The following CFAP65 variants were observed in gnomAD, a reference collection of about 807,000 sequenced individuals.
The protein encoded by CFAP65 is cilia- and flagella-associated protein 65.
CFAP65 carries 155 observed loss-of-function variants against 208.0 expected under a neutral mutation model. The ratio of observed to expected loss-of-function variants is 0.75; its 90% CI spans 0.65 to 0.85. CFAP65 has a LOEUF of 0.85. CFAP65 is among the 40% of genes least tolerant of loss of function. The pLI is 0.00. For synonymous variants in CFAP65, 970 were observed against 986.3 expected, an observed-to-expected ratio of 0.98 and a Z score of 0.31; for missense variants, 2,294 against 2,451.3, an observed-to-expected ratio of 0.94 and a Z score of 1.36.
intron 26 of CFAP65, among the ~76,000 whole-genome samples, chr2:219,010,302 G>A (rs559278780): frequency 5.9e-5 from 9 of 152,260 alleles, no homozygotes; most frequent in African/African-American, 2.2e-4. Context: ...GGAGGGCCCT[G>A]AGGCAGGTGG....
rs754439325 is a variant in CFAP65, at chr2:219,031,597, C to T, written c.707G>A (p.Arg236Gln). The change falls in exon 7 of 35, where the codon CGG becomes CAG. Residue 236 changes from arginine to glutamine, a missense_variant. Transcript: ENST00000341552. This position sits in a 1 kb window ranked among gnomAD's most constrained non-coding sequence, Gnocchi z 5.2. ...CAGCCTGTGGCAGGGCAGGGTGGCC[C>T]GTAGGCCGACACAGAACATCCCCTC... ...KAEGMFCVGL[R>Q]ATLPCHRLIC... 20 of 1,614,150 alleles carry T rather than the reference C, an allele frequency of 1.2e-5. No homozygotes were observed. The highest frequency in any genetic ancestry group is 1.6e-4 in the Middle Eastern group (1 of 6,062).
At position 219,024,076 on chromosome 2, in the gene CFAP65, C is replaced by T; in HGVS notation, c.2534G>A (p.Gly845Asp). 1 of 1,614,068 alleles carries T rather than the reference C, an allele frequency of 6.2e-7. No individual in the cohort carries two copies. Among genetic ancestry groups the T allele is most frequent in the Non-Finnish European group, 8.5e-7 (1 of 1,180,026 alleles). ...QIILICTYPE[G>D]SSWKQHTFYL... is the part of the protein sequence containing the mutation. Reference sequence around the variant, plus strand: ...GAAAGTGTGCTGCTTCCAGGAGCTGCCCTCAGGGTAGGTGCAGATGAGGAT... The same window carrying T: ...GAAAGTGTGCTGCTTCCAGGAGCTGTCCTCAGGGTAGGTGCAGATGAGGAT... Residue 845 changes from glycine (G) to aspartate (D), a missense_variant, in exon 15 of 35, where the codon GGC becomes GAC. Gly to Asp is a moderately conservative substitution (Grantham distance 94). This residue lies in a region of CFAP65 where 1,427 missense variants were observed against 1,438.7 expected (regional missense o/e 0.99). Coordinates refer to ENST00000341552, the MANE Select transcript of CFAP65 (RefSeq NM_194302.4).
intron 21 of CFAP65, among the ~76,000 whole-genome samples, chr2:219,016,691 C>T (rs901054777): frequency 2.0e-5 from 3 of 152,194 alleles, no homozygotes; most frequent in Non-Finnish European, 4.4e-5. Flanking sequence ...AGAACCACAA[C>T]GGCCTCCCAA....
intron 20 of CFAP65, 145 bp from the exon 21 acceptor site, chr2:219,019,324 A>G (rs1574581642): frequency 3.4e-6 from 4 of 1,189,718 alleles, no homozygotes; most frequent in East Asian, 5.1e-5. Context: ...CTGGCTCTTC[A>G]GACCTCAAGC....
intron 24 of CFAP65, 110 bp from the exon 25 acceptor site, chr2:219,011,106 C>T (rs1946445656): frequency 2.0e-6 from 2 of 975,778 alleles, no homozygotes; most frequent in African/African-American, 1.6e-5. Context: ...CATGATGTCA[C>T]CCTTTGAGTC....
At position 219,004,832 on chromosome 2, in the gene CFAP65, G is replaced by T. The variant is rs1945822123; in HGVS notation, c.5052-377C>A. On this transcript the variant is annotated intron_variant, in intron 32 of 34. Transcript: ENST00000341552. The surrounding 1 kb of genome is among the most constrained non-coding windows in gnomAD (Gnocchi z 4.7). ...CCACTGTCCTGGGGTGGGGGGGCCG[G>T]GGGGGGGGACCGTGGTGGGATCTTG... is the stretch of plus-strand genomic sequence containing the variant. 1.5e-5 allele frequency among the ~76,000 whole-genome samples: 2 copies of T among 133,770 alleles called. No homozygotes were observed. The highest frequency in any genetic ancestry group is 4.6e-4 in the South Asian group (2 of 4,312). 87.8% of individuals were successfully genotyped at this position (133,770 alleles called of 152,430 possible).
rs371966202 is a variant in CFAP65 at position 219,030,176 on chromosome 2, C to T, written c.1194G>A (p.Pro398=). The change falls in exon 10 of 35, where the codon CCG becomes CCA. Residue 398 remains proline (P), a synonymous_variant. Transcript: ENST00000341552. The stretch of plus-strand genomic sequence containing the variant: ...AGGCCTGGTCTTCGGCCAGTTCATC[C>T]GGGGAAATTTCAATCCTGAAGGGGG... ...VNAPFRIEIS[P]DELAEDQAFS... is the part of the protein sequence containing the mutation. 6.9e-5 allele frequency: 111 copies of T among 1,614,094 alleles called. No individual in the cohort carries two copies. Among genetic ancestry groups the T allele is most frequent in the Middle Eastern group, 1.6e-4 (1 of 6,062 alleles).
At chr2:219,027,505 T>C (rs768596997) in intron 13 of CFAP65, 145 bp downstream of exon 13, 15 of 1,599,820 alleles carry the variant, frequency 9.4e-6, no homozygotes, top group South Asian at 6.7e-5. Context: ...GACAAACTCA[T>C]AGGGGTCACT....
Position 219,017,846 on chromosome 2 carries a change from G to A in CFAP65, c.3602+1205C>T, listed in dbSNP as rs1947009722. ...AAGAGCCCAGTGAATGGCAGGTCTG[G>A]AGCTCAAGGCAGGCCCTGGCCTTCC... is the stretch of plus-strand genomic sequence containing the variant. On this transcript the variant is annotated intron_variant, in intron 21 of 34. Transcript: ENST00000341552. Among the ~76,000 whole-genome samples the A allele has an allele frequency of 1.3e-5, 2 of 152,224 alleles. 1 individual carries two copies. The highest frequency in any genetic ancestry group is 1.3e-4 in the Admixed American group (2 of 15,294).
chr2:219,019,500 G>C lies in CFAP65; in HGVS notation c.3473+6C>G. 6.2e-7 allele frequency: 1 copy of C among 1,609,902 alleles called. No homozygotes were observed. The highest frequency in any genetic ancestry group is 8.5e-7 in the Non-Finnish European group (1 of 1,178,560). On this transcript the variant is annotated splice_donor_region_variant and intron_variant, in intron 20 of 34. Transcript: ENST00000341552. ...AGCCCCCACCCCCACTCCAGGCTCA[G>C]CTCACCTGTGCCGGGTGGGCACCTT...
chr2:219,006,396 C>T, intron 30 of CFAP65, 69 bp downstream of exon 30: 1 of 1,587,254 alleles, frequency 6.3e-7, no homozygotes, highest in Non-Finnish European at 8.6e-7. Flanking sequence ...GGTTGGAGGT[C>T]TCTCTGGGAG....
chr2:219,027,146 C>T, intron 13 of CFAP65: 1 of 1,146,670 alleles, frequency 8.7e-7, no homozygotes, highest in East Asian at 5.0e-5. Flanking sequence ...GGGCACCACG[C>T]ATCTGGGGCC....
At position 219,010,007 on chromosome 2, in the gene CFAP65, TGAG is replaced by T. The variant is rs748513203; in HGVS notation, c.4384_4386del (p.Leu1462del). On this transcript the variant is annotated inframe_deletion, in exon 27 of 35. Coordinates refer to ENST00000341552, the MANE Select transcript of CFAP65 (RefSeq NM_194302.4). Reference sequence around the variant, plus strand: ...ATTTCCTCGTTCTTGGAGATGTTGTTGAGGAAGAGCAGGCGGCTGCACTTGCTC... The same window carrying T: ...ATTTCCTCGTTCTTGGAGATGTTGTTGAAGAGCAGGCGGCTGCACTTGCTC... 6 of 1,612,770 alleles carry T rather than the reference TGAG, an allele frequency of 3.7e-6. No individual in the cohort carries two copies. The African/African-American group carries it at 8.0e-5, about 22-fold the overall frequency.
At chr2:219,014,936 TG>T (rs1946755478) in intron 21 of CFAP65, 1 of 138,724 alleles carries the variant, frequency 7.2e-6, no homozygotes, top group South Asian at 2.2e-4. Flanking sequence ...AACACACACC[TG>T]AGGAGAATGC....
rs1456173344 is a variant in CFAP65, at chr2:219,004,558, G to A, written c.5052-103C>T. 3 of 1,283,108 alleles carry A rather than the reference G, an allele frequency of 2.3e-6. No homozygotes were observed. Among genetic ancestry groups the A allele is most frequent in the East Asian group, 2.3e-5 (1 of 42,616 alleles). The allele number at this position is 1,283,108 out of a possible 1,614,324, so 79.5% of individuals were successfully genotyped here. On this transcript the variant is annotated intron_variant, in intron 32 of 34. Transcript: ENST00000341552. The surrounding 1 kb of genome is among the most constrained non-coding windows in gnomAD (Gnocchi z 4.7). ...TTCTAGGTGGGAAAGGGGCTGCTAG[G>A]TGGGGAGAGGGGAGCCCTTGGTCAG...
intron 21 of CFAP65, among the ~76,000 whole-genome samples, chr2:219,016,440 G>A (rs576192353): frequency 5.4e-4 from 82 of 151,888 alleles, no homozygotes; most frequent in Non-Finnish European, 9.4e-4. Flanking sequence ...GATTACAGGT[G>A]TGCACCACCA....
Position 219,029,863 on chromosome 2 carries a change from G to A in CFAP65, c.1384+123C>T, listed in dbSNP as rs73072405. On this transcript the variant is annotated intron_variant, in intron 10 of 34. Coordinates refer to ENST00000341552, the MANE Select transcript of CFAP65 (RefSeq NM_194302.4). ...GATGATTCCCCACAGGGCCACCAGGGGGCAGCAGACACCCAGGCTGAGGCA... is the reference window on the plus strand; with the variant it reads ...GATGATTCCCCACAGGGCCACCAGGAGGCAGCAGACACCCAGGCTGAGGCA... The A allele has an allele frequency of 7.4e-4, 838 of 1,132,388 alleles. 7 individuals are homozygous for A. The African/African-American group carries it at 0.01, about 14-fold the overall frequency. 70.1% of individuals were successfully genotyped at this position (1,132,388 alleles called of 1,614,324 possible).
At chr2:219,037,443 T>C (rs1574659245) in intron 4 of CFAP65, among the ~76,000 whole-genome samples, 1 of 152,106 alleles carries the variant, frequency 6.6e-6, no homozygotes, top group East Asian at 1.9e-4. Flanking sequence ...ATTTACTGCA[T>C]AACCATGAGT....
At position 219,031,583 on chromosome 2, in the gene CFAP65, A is replaced by T. The variant is rs1335434669; in HGVS notation, c.721T>A (p.Cys241Ser). Residue 241 changes from cysteine (C) to serine (S), a missense_variant, in exon 7 of 35, where the codon TGC becomes AGC. By Grantham distance (112) the Cys-to-Ser change is moderately radical. Around this residue, in one of 2 missense-constraint regions of CFAP65, gnomAD observed 867 missense variants for 1,012.6 expected, o/e 0.86. Coordinates refer to ENST00000341552, the MANE Select transcript of CFAP65 (RefSeq NM_194302.4). The surrounding 1 kb of genome is among the most constrained non-coding windows in gnomAD (Gnocchi z 5.2). ...GGTGGGCGGCAGATCAGCCTGTGGC[A>T]GGGCAGGGTGGCCCGTAGGCCGACA... Reference protein sequence around the residue: ...FCVGLRATLPCHRLICRPPSL... With the variant: ...FCVGLRATLPSHRLICRPPSL... 3.7e-6 allele frequency: 6 copies of T among 1,614,116 alleles called. No individual in the cohort carries two copies. Among genetic ancestry groups the T allele is most frequent in the Non-Finnish European group, 5.1e-6 (6 of 1,180,044 alleles).
Sources: allele counts gnomAD v4.1 joint callset (sites outside exome capture counted in the v4.1 genomes callset), GRCh38; gene constraint gnomAD v4.1.1; regional missense constraint gnomAD v4.1.1; non-coding constraint Gnocchi (gnomAD v3.1); transcripts MANE v1.5; gene names NCBI Gene and HGNC (gene_info 2026-07-23, HGNC 2026-07-21).